FBXW8: variants seen among roughly 807,000 people sequenced by gnomAD.
The protein encoded by FBXW8 is F-box and WD repeat domain containing 8, also known as F-box/WD repeat-containing protein 8.
FBXW8 carries 57 observed loss-of-function variants against 65.3 expected under a neutral mutation model. The observed-to-expected ratio is 0.87, with a 90% confidence interval of 0.71 to 1.09. FBXW8 has a LOEUF of 1.09. Among genes scored for constraint, FBXW8 ranks in the 50% least tolerant of loss-of-function variants. The pLI is 0.00. For missense variants in FBXW8, 777 were observed against 814.8 expected (o/e 0.95, Z 0.57); for synonymous variants, 308 against 330.2 (o/e 0.93, Z 0.73).
At chr12:116,940,918 A>G (rs1212546776) in intron 2 of FBXW8, among the ~76,000 whole-genome samples, 1 of 152,180 alleles carries the variant, frequency 6.6e-6, no homozygotes, top group Non-Finnish European at 1.5e-5. Flanking sequence ...GCATTGAGAG[A>G]GTGTCAGAAT....
Position 116,920,201 on chromosome 12 carries a change from CAT to C in FBXW8, c.319-7821_319-7820del, listed in dbSNP as rs572778924. On this transcript the variant is annotated intron_variant, in intron 1 of 10. Transcript: ENST00000652555. Reference sequence around the variant, plus strand: ...TTATCCTCAGTGCTGTTCATTTTTTCATGTTATTCGTGAATTAGCAGGCCTCC... The same window carrying C: ...TTATCCTCAGTGCTGTTCATTTTTTCGTTATTCGTGAATTAGCAGGCCTCC... 5.3e-5 allele frequency among the ~76,000 whole-genome samples: 8 copies of C among 152,288 alleles called. No individual in the cohort carries two copies. In the South Asian group the frequency reaches 1.7e-3, roughly 32 times the overall value.
intron 7 of FBXW8, among the ~76,000 whole-genome samples, chr12:117,004,436 G>T (rs1953627642): frequency 6.6e-6 from 1 of 152,130 alleles, no homozygotes; most frequent in Non-Finnish European, 1.5e-5. Flanking sequence ...TGATTTGTAG[G>T]TTTCTTAAAG....
chr12:116,948,143 A>G (rs1374757248), intron 3 of FBXW8, among the ~76,000 whole-genome samples: 1 of 152,230 alleles, frequency 6.6e-6, no homozygotes, highest in Non-Finnish European at 1.5e-5. Flanking sequence ...CTGGAATTGC[A>G]TTTCAGAGCC....
chr12:116,915,659 T>C (rs1472846720), intron 1 of FBXW8, among the ~76,000 whole-genome samples: 1 of 141,742 alleles, frequency 7.1e-6, no homozygotes, highest in East Asian at 2.0e-4. Context: ...TTTTTTTTTT[T>C]TTTTTTTTTG....
chr12:116,939,626 C>T (rs1882415834), intron 2 of FBXW8, among the ~76,000 whole-genome samples: 1 of 152,162 alleles, frequency 6.6e-6, no homozygotes, highest in African/African-American at 2.4e-5. Context: ...ATGACTTTTA[C>T]AAAATGTTAT....
intron 7 of FBXW8, among the ~76,000 whole-genome samples, chr12:117,004,169 T>C (rs1179906340): frequency 6.6e-6 from 1 of 152,224 alleles, no homozygotes; most frequent in Non-Finnish European, 1.5e-5. Flanking sequence ...CTCGGACTTA[T>C]TTCTTGCTTA....
At chr12:116,931,532 C>T (rs1333149987) in intron 2 of FBXW8, among the ~76,000 whole-genome samples, 1 of 151,964 alleles carries the variant, frequency 6.6e-6, no homozygotes, top group Non-Finnish European at 1.5e-5. Context: ...TTATTTGTAT[C>T]ATCCGTTTTC....
rs779815951 is a variant in FBXW8 at position 117,028,069 on chromosome 12, A to C, written c.1694A>C (p.Gln565Pro). The C allele has an allele frequency of 8.7e-6, 14 of 1,614,030 alleles. No individual in the cohort carries two copies. Among genetic ancestry groups the C allele is most frequent in the Admixed American group, 1.7e-5 (1 of 60,012 alleles). ...CGCGCCTATGAGTTTGCGGTGGACCAGCTGGCCTTCCAGAGCCCTCTCCCT... is the reference window on the plus strand; with the variant it reads ...CGCGCCTATGAGTTTGCGGTGGACCCGCTGGCCTTCCAGAGCCCTCTCCCT... ...LIRAYEFAVD[Q>P]LAFQSPLPVC... is the part of the protein sequence containing the mutation. Residue 565 changes from glutamine to proline, a missense_variant, in exon 11 of 11, where the codon CAG becomes CCG. Gln to Pro is a moderately conservative substitution (Grantham distance 76, BLOSUM62 -1). Transcript: ENST00000652555. The surrounding 1 kb of genome is among the most constrained non-coding windows in gnomAD (Gnocchi z 4.1).
chr12:116,998,500 T>C (rs151304396), intron 7 of FBXW8, among the ~76,000 whole-genome samples: 34 of 152,358 alleles, frequency 2.2e-4, no homozygotes, highest in African/African-American at 7.5e-4. Context: ...TGATGGTTTA[T>C]GTGGAATTGC....
At chr12:117,008,446 TG>T (rs1333263564) in intron 7 of FBXW8, among the ~76,000 whole-genome samples, 1 of 152,248 alleles carries the variant, frequency 6.6e-6, no homozygotes, top group Non-Finnish European at 1.5e-5. Context: ...TGAAATGTTC[TG>T]CGTCAGAAAT....
At chr12:116,997,084 A>G (rs1053350089) in intron 7 of FBXW8, among the ~76,000 whole-genome samples, 4 of 152,240 alleles carry the variant, frequency 2.6e-5, no homozygotes, top group African/African-American at 9.6e-5. Flanking sequence ...CATAGTTGAT[A>G]TAATTGTTAG....
intron 1 of FBXW8, among the ~76,000 whole-genome samples, chr12:116,918,449 T>G (rs1880616641): frequency 6.6e-6 from 1 of 152,168 alleles, no homozygotes; most frequent in Non-Finnish European, 1.5e-5. Context: ...CAGGTGGTAA[T>G]GTTTGTTCTG....
At chr12:117,016,811 G>A (rs990938966) in intron 8 of FBXW8, among the ~76,000 whole-genome samples, 2 of 152,154 alleles carry the variant, frequency 1.3e-5, no homozygotes, top group Non-Finnish European at 2.9e-5. Context: ...TTTTGTATAT[G>A]GTGTGAGGTA....
intron 6 of FBXW8, 94 bp downstream of exon 6, chr12:116,985,496 C>T: frequency 8.1e-7 from 1 of 1,237,006 alleles, no homozygotes; most frequent in South Asian, 1.5e-5. Flanking sequence ...CTCCCATTCA[C>T]TCAGAGCTTC....
intron 2 of FBXW8, among the ~76,000 whole-genome samples, chr12:116,939,916 G>C (rs958520927): frequency 2.6e-5 from 4 of 152,214 alleles, no homozygotes; most frequent in Admixed American, 2.6e-4. Context: ...CAGATAGACA[G>C]ACAGCATCTG....
At position 116,914,117 on chromosome 12, in the gene FBXW8, A is replaced by T. The variant is rs993881857; in HGVS notation, c.318+2762A>T. On this transcript the variant is annotated intron_variant, in intron 1 of 10. Transcript: ENST00000652555. ...GAAACCCTGGTTCTACAAAAAATTT[A>T]AAAAATTTAGCTAGGTGTGGTGGTG... Among the ~76,000 whole-genome samples, 9 of 152,084 alleles carry T rather than the reference A, an allele frequency of 5.9e-5. No homozygotes were observed. In the East Asian group the frequency reaches 7.7e-4, roughly 13 times the overall value.
At position 117,024,307 on chromosome 12, in the gene FBXW8, GAGGTGTATTCCGGGTA is replaced by G. The variant is rs779974665; in HGVS notation, c.1534_1541+8del. The G allele has an allele frequency of 6.2e-7, 1 of 1,613,986 alleles. No homozygotes were observed. The highest frequency in any genetic ancestry group is 1.3e-5 in the African/African-American group (1 of 74,844). On this transcript the variant is annotated splice_donor_variant and splice_donor_region_variant and coding_sequence_variant and intron_variant, in exon 9 of 11. Coordinates refer to ENST00000652555, the MANE Select transcript of FBXW8 (RefSeq NM_153348.3). LOFTEE classifies it high-confidence loss of function. The stretch of plus-strand genomic sequence containing the variant: ...TTATCGGATGAACCAGAAGCTGTGG[GAGGTGTATTCCGGGTA>G]AGGTGCATTCTAGACACTCTTGGGA...
At chr12:116,985,582 G>A in intron 6 of FBXW8, 180 bp downstream of exon 6, 1 of 606,154 alleles carries the variant, frequency 1.6e-6, no homozygotes, top group South Asian at 2.2e-5. Flanking sequence ...TTACCAAGAA[G>A]CCACTTCAGG....
At chr12:117,006,083 CAG>C (rs1953668908) in intron 7 of FBXW8, among the ~76,000 whole-genome samples, 1 of 152,228 alleles carries the variant, frequency 6.6e-6, no homozygotes, top group African/African-American at 2.4e-5. Flanking sequence ...GCTCTCTGGA[CAG>C]ACAGTGCTGG....
Sources: gnomAD v4.1 joint callset for allele counts (sites outside exome capture counted in the v4.1 genomes callset) on GRCh38, gnomAD v4.1.1 for gene constraint, Gnocchi (gnomAD v3.1) non-coding constraint, MANE v1.5 for transcripts, NCBI Gene and HGNC (gene_info 2026-07-23, HGNC 2026-07-21) for gene names.